The following MGAM2 variants were observed in gnomAD, a reference collection of about 807,000 sequenced individuals.
The protein encoded by MGAM2 is maltase-glucoamylase 2 (putative).
A neutral mutation model predicts 96.1 loss-of-function variants in MGAM2; 98 were observed. That is an observed-to-expected ratio of 1.02 (90% confidence interval 0.87 to 1.21). The LOEUF (loss-of-function observed/expected upper bound fraction) is 1.21, where lower values mean the gene tolerates loss of function less well. MGAM2 is among the 50% of genes most tolerant of loss of function. The pLI is 0.00. For missense variants in MGAM2, 2,055 were observed against 1,182.4 expected (o/e 1.74, Z -10.82); for synonymous variants, 749 against 414.8 (o/e 1.81, Z -9.79).
intron 46 of MGAM2, among the ~76,000 whole-genome samples, chr7:142,214,310 C>A (rs1197739060): frequency 6.6e-6 from 1 of 152,056 alleles, no homozygotes. Flanking sequence ...CTGGCCAGGG[C>A]AATCAGGAAA....
chr7:142,195,194 C>T (rs1796993762), intron 37 of MGAM2, among the ~76,000 whole-genome samples: 2 of 151,956 alleles, frequency 1.3e-5, no homozygotes, highest in Non-Finnish European at 2.9e-5. Flanking sequence ...CACCACCCTG[C>T]CCAGCTAATT....
At chr7:142,189,714 G>A (rs1332500574) in intron 37 of MGAM2, among the ~76,000 whole-genome samples, 2 of 152,232 alleles carry the variant, frequency 1.3e-5, no homozygotes, top group Non-Finnish European at 2.9e-5. Flanking sequence ...ATTAGGTAAT[G>A]TTTAGTATAT....
chr7:142,187,268 A>G (rs1796728391), intron 35 of MGAM2, among the ~76,000 whole-genome samples: 1 of 152,252 alleles, frequency 6.6e-6, no homozygotes, highest in African/African-American at 2.4e-5. Flanking sequence ...GCCTATGCCA[A>G]TATCAGAATT....
chr7:142,182,883 G>A (rs1009031468), intron 32 of MGAM2, among the ~76,000 whole-genome samples: 4 of 152,160 alleles, frequency 2.6e-5, no homozygotes, highest in African/African-American at 7.2e-5. Context: ...TGGGAGAGGT[G>A]CTTCCCAGCC....
In MGAM2 at chr7:142,222,137, A is replaced by T; in HGVS notation, c.*78A>T. ...ACAGATATAGAAAATCAGTTACGAG[A>T]CACTCTATCTATCTTATGCTACTTA... is the stretch of plus-strand genomic sequence containing the variant. On this transcript the variant is annotated 3_prime_UTR_variant, in exon 48 of 48. Transcript: ENST00000477922. The T allele has an allele frequency of 5.0e-6, 2 of 397,008 alleles. No homozygotes were observed. The highest frequency in any genetic ancestry group is 8.9e-6 in the Non-Finnish European group (2 of 225,178). 24.6% of individuals were successfully genotyped at this position (397,008 alleles called of 1,614,324 possible).
chr7:142,183,414 A>G (rs1385165513), intron 33 of MGAM2, 41 bp downstream of exon 33: 3 of 693,610 alleles, frequency 4.3e-6, no homozygotes, highest in African/African-American at 1.8e-5. Context: ...TTAACATTAC[A>G]ATGTCTTGAA....
Position 142,118,611 on chromosome 7 carries a change from A to G in MGAM2, c.106+1632A>G, listed in dbSNP as rs569679311. Among the ~76,000 whole-genome samples, 3 of 152,326 alleles carry G rather than the reference A, an allele frequency of 2.0e-5. 1 individual carries two copies. In the South Asian group the frequency reaches 6.2e-4, roughly 32 times the overall value. On this transcript the variant is annotated intron_variant, in intron 2 of 47. Transcript: ENST00000477922. Reference sequence around the variant, plus strand: ...ATTCCACAAAGTTGATAAAGCCTAAAGTAAGAATAGCCAATGTTGAGTGAA... The same window carrying G: ...ATTCCACAAAGTTGATAAAGCCTAAGGTAAGAATAGCCAATGTTGAGTGAA...
intron 2 of MGAM2, among the ~76,000 whole-genome samples, chr7:142,119,990 G>A (rs1794513970): frequency 6.6e-6 from 1 of 152,342 alleles, no homozygotes; most frequent in East Asian, 1.9e-4. Flanking sequence ...GTCACAGGTT[G>A]TACAACTTCA....
intron 34 of MGAM2, among the ~76,000 whole-genome samples, chr7:142,185,429 C>G (rs1365279325): frequency 6.6e-6 from 1 of 152,158 alleles, no homozygotes; most frequent in African/African-American, 2.4e-5. Context: ...GAACCAAAGT[C>G]TAGCATTTTC....
At chr7:142,166,557 A>G (rs1796033211) in intron 25 of MGAM2, among the ~76,000 whole-genome samples, 1 of 152,228 alleles carries the variant, frequency 6.6e-6, no homozygotes, top group Non-Finnish European at 1.5e-5. Context: ...GGAGAACACA[A>G]GCAGGAAGGG....
At chr7:142,150,902 A>T (rs556624841) in intron 15 of MGAM2, among the ~76,000 whole-genome samples, 2 of 152,160 alleles carry the variant, frequency 1.3e-5, no homozygotes, top group East Asian at 3.9e-4. Context: ...TTCATGTGCT[A>T]TTTGCCGTGC....
chr7:142,166,013 C>T, intron 24 of MGAM2, 85 bp from the exon 25 acceptor site: 1 of 597,762 alleles, frequency 1.7e-6, no homozygotes, highest in Non-Finnish European at 3.0e-6. Context: ...ATGCCCTTGT[C>T]CTGACTTCCA....
Position 142,196,716 on chromosome 7 carries a change from G to A in MGAM2, c.4532G>A (p.Cys1511Tyr), listed in dbSNP as rs779474542. 2.0e-5 allele frequency: 16 copies of A among 788,794 alleles called. No homozygotes were observed. Among genetic ancestry groups the A allele is most frequent in the Non-Finnish European group, 1.4e-5 (6 of 425,732 alleles). The allele number at this position is 788,794 out of a possible 1,614,324, so 48.9% of individuals were successfully genotyped here. A position where few individuals can be genotyped will look rare whatever the true frequency, so the allele number is the denominator to read the frequency against. ...FGIPYTGADI[C>Y]GFFGDAEYEM... ...TCTTCTCAGACAGGAGCAGATATCT[G>A]TGGGTTCTTTGGAGATGCTGAATAT... The change falls in exon 40 of 48, where the codon TGT (cysteine) becomes TAT (tyrosine). Residue 1511 changes from cysteine to tyrosine, a missense_variant. Physicochemically the swap from Cys to Tyr is radical, Grantham distance 194. Coordinates refer to ENST00000477922, the MANE Select transcript of MGAM2 (RefSeq NM_001293626.2).
At chr7:142,129,439 G>A (rs930676984) in intron 3 of MGAM2, among the ~76,000 whole-genome samples, 1 of 152,136 alleles carries the variant, frequency 6.6e-6, no homozygotes, top group African/African-American at 2.4e-5. Flanking sequence ...GAGGGGCCCG[G>A]TGCAGAATGA....
At chr7:142,176,348 TTCTC>T (rs1234222427) in intron 32 of MGAM2, among the ~76,000 whole-genome samples, 2 of 152,220 alleles carry the variant, frequency 1.3e-5, no homozygotes, top group African/African-American at 2.4e-5. Context: ...CTGCAAATGA[TTCTC>T]TCTTCTAGCT....
At chr7:142,145,056 T>G (rs923361772) in intron 14 of MGAM2, 111 bp downstream of exon 14, 3 of 627,794 alleles carry the variant, frequency 4.8e-6, no homozygotes, top group Non-Finnish European at 8.6e-6. Context: ...AGGGGTCTCC[T>G]AAACATCCTG....
chr7:142,196,332 C>G (rs1024012739), intron 38 of MGAM2, 45 bp downstream of exon 38: 2 of 690,758 alleles, frequency 2.9e-6, no homozygotes, highest in Non-Finnish European at 5.3e-6. Context: ...AGGGAGGGCA[C>G]TGGAGTTTGT....
At chr7:142,159,463 G>A (rs1307871720) in intron 20 of MGAM2, 120 bp downstream of exon 20, 1 of 620,800 alleles carries the variant, frequency 1.6e-6, no homozygotes, top group Admixed American at 2.4e-5. Flanking sequence ...AGTTGATTGT[G>A]GTCCTTTTTC....
At chr7:142,156,956 A>T (rs897875963) in intron 17 of MGAM2, among the ~76,000 whole-genome samples, 2 of 152,178 alleles carry the variant, frequency 1.3e-5, no homozygotes, top group African/African-American at 4.8e-5. Flanking sequence ...TTTTTCTTCT[A>T]ATGGGTTATT....
Sources: gnomAD v4.1 joint callset for allele counts (sites outside exome capture counted in the v4.1 genomes callset) on GRCh38, gnomAD v4.1.1 for gene constraint, MANE v1.5 for transcripts, NCBI Gene and HGNC (gene_info 2026-07-23, HGNC 2026-07-21) for gene names.